ZFHX3: variants seen among roughly 807,000 people sequenced by gnomAD.
The protein encoded by ZFHX3 is zinc finger homeobox 3.
ZFHX3 carries 42 observed loss-of-function variants against 279.1 expected under a neutral mutation model. The observed-to-expected ratio is 0.15, with a 90% CI of 0.12 to 0.19. The LOEUF is 0.19. Ranked by LOEUF, ZFHX3 falls within the 10% of genes least tolerant of loss-of-function variation. The probability of loss-of-function intolerance (pLI) is 1.00; values close to 1 mark genes in which losing one functional copy is unlikely to be tolerated. For missense variants in ZFHX3, 4,981 were observed against 4,754.0 expected (o/e 1.05, Z -1.40); for synonymous variants, 2,293 against 1,957.8 (o/e 1.17, Z -4.52).
chr16:73,051,425 A>G (rs149567818), upstream of ZFHX3, among the ~76,000 whole-genome samples: 3,850 of 152,318 alleles, frequency 0.025, 59 homozygotes, highest in Non-Finnish European at 0.038. Flanking sequence ...GAAGTTCCTC[A>G]GAACAGCTCA....
intron 1 of ZFHX3, among the ~76,000 whole-genome samples, chr16:73,026,834 C>T (rs753016846): frequency 7.2e-5 from 11 of 152,124 alleles, no homozygotes; most frequent in Non-Finnish European, 1.5e-4. Flanking sequence ...ATTCCAGAGA[C>T]CAGTGAAACA....
chr16:73,670,245 T>G (rs540462742), intron 2 of ZFHX3, among the ~76,000 whole-genome samples: 70 of 152,276 alleles, frequency 4.6e-4, no homozygotes, highest in African/African-American at 1.7e-3. Flanking sequence ...GCCCAAGTTT[T>G]TACAGAATTT....
intron 3 of ZFHX3, among the ~76,000 whole-genome samples, chr16:73,377,350 A>G (rs1489061939): frequency 6.6e-6 from 1 of 152,114 alleles, no homozygotes; most frequent in Non-Finnish European, 1.5e-5. Context: ...GTGACCATCA[A>G]GGAGGACTCA....
At chr16:73,798,509 C>A (rs1960059978) in intron 1 of ZFHX3, among the ~76,000 whole-genome samples, 1 of 151,966 alleles carries the variant, frequency 6.6e-6, no homozygotes, top group South Asian at 2.1e-4. Context: ...ATAAAAGGAC[C>A]CAGATACTGA....
chr16:73,146,524 A>G (rs1966864184), intron 5 of ZFHX3, among the ~76,000 whole-genome samples: 1 of 152,178 alleles, frequency 6.6e-6, no homozygotes, highest in African/African-American at 2.4e-5. Flanking sequence ...CAGACAATAA[A>G]CAACTAGAAA....
At chr16:72,900,836 C>A (rs1489096099) in intron 3 of ZFHX3, among the ~76,000 whole-genome samples, 2 of 152,172 alleles carry the variant, frequency 1.3e-5, no homozygotes, top group Admixed American at 1.3e-4. Context: ...GATGCTCTGG[C>A]CAGGACAGCA....
chr16:73,759,880 G>GAAAAAA (rs5817876), intron 1 of ZFHX3, among the ~76,000 whole-genome samples: 1 of 145,916 alleles, frequency 6.9e-6, no homozygotes. Context: ...GGTCTTACAG[G>GAAAAAA]AAAAAAAAAA....
intron 7 of ZFHX3, among the ~76,000 whole-genome samples, chr16:73,129,457 C>T (rs940752338): frequency 6.6e-6 from 1 of 151,054 alleles, no homozygotes; most frequent in African/African-American, 2.4e-5. Context: ...TTTCTCTGAG[C>T]CCATGAGACC....
intron 4 of ZFHX3, among the ~76,000 whole-genome samples, chr16:72,836,275 C>T (rs2037190222): frequency 6.6e-6 from 1 of 152,202 alleles, no homozygotes; most frequent in East Asian, 1.9e-4. Context: ...GCCAGTGACT[C>T]TCCATGAGCC....
At chr16:72,807,398 A>G (rs574253882) in intron 7 of ZFHX3, 13 of 152,306 alleles carry the variant, frequency 8.5e-5, no homozygotes, top group African/African-American at 3.1e-4. Context: ...CAGCACTGCA[A>G]TTGTTCCTAG....
intron 9 of ZFHX3, among the ~76,000 whole-genome samples, chr16:72,791,939 G>T (rs2035721072): frequency 6.6e-6 from 1 of 152,200 alleles, no homozygotes; most frequent in Non-Finnish European, 1.5e-5. Context: ...GTGGGAAGCA[G>T]CACAGCTGCT....
intron 8 of ZFHX3, chr16:73,083,310 T>G (rs1965972013): frequency 6.6e-6 from 1 of 152,268 alleles, no homozygotes; most frequent in Admixed American, 6.5e-5. Flanking sequence ...TAATGAGACC[T>G]CTTGTGATGG....
At chr16:73,237,657 C>A (rs550300022) in intron 5 of ZFHX3, among the ~76,000 whole-genome samples, 8 of 151,288 alleles carry the variant, frequency 5.3e-5, no homozygotes, top group Non-Finnish European at 1.0e-4. Flanking sequence ...CAGGCATGAG[C>A]CACTATGCCC....
chr16:73,632,871 T>C (rs1188535078), intron 2 of ZFHX3, among the ~76,000 whole-genome samples: 3 of 152,078 alleles, frequency 2.0e-5, no homozygotes, highest in Admixed American at 1.3e-4. Context: ...GGTCAGGAGA[T>C]AGAGACCATC....
chr16:73,269,226 T>A (rs546066166), intron 4 of ZFHX3, among the ~76,000 whole-genome samples: 1 of 152,254 alleles, frequency 6.6e-6, no homozygotes, highest in Admixed American at 6.5e-5. Flanking sequence ...GATCTATGAG[T>A]TTTGACAAAT....
At chr16:73,120,747 C>A (rs952530915) in intron 7 of ZFHX3, among the ~76,000 whole-genome samples, 1 of 150,888 alleles carries the variant, frequency 6.6e-6, no homozygotes, top group East Asian at 1.9e-4. Flanking sequence ...CTCCACCTCC[C>A]GGGTTCAAGT....
chr16:73,083,021 T>TAAAAAAAAA (rs71156139), intron 8 of ZFHX3, among the ~76,000 whole-genome samples: 31 of 132,014 alleles, frequency 2.3e-4, no homozygotes, highest in African/African-American at 7.2e-4. Context: ...CCATCTCTAC[T>TAAAAAAAAA]AAAAAAAAAA....
At chr16:73,298,690 G>A (rs751081029) in intron 4 of ZFHX3, among the ~76,000 whole-genome samples, 4 of 152,120 alleles carry the variant, frequency 2.6e-5, no homozygotes, top group Admixed American at 6.5e-5. Flanking sequence ...TCAGCAATGC[G>A]AACTGATGGG....
In ZFHX3 at chr16:73,834,852, G is replaced by A. The variant is rs774030074; in HGVS notation, c.-1608+56799C>T. On this transcript the variant is annotated intron_variant, in intron 1 of 17. Coordinates refer to the ZFHX3 transcript ENST00000641206. ...GTTGCAGTGAGCCTACCAGCACCAC[G>A]GCATTCCAGCCTGGCGACAGTACGA... Among the ~76,000 whole-genome samples, 157 of 152,266 alleles carry A rather than the reference G, an allele frequency of 1.0e-3. 1 individual carries two copies. Among genetic ancestry groups the A allele is most frequent in the Middle Eastern group, 3.4e-3 (1 of 294 alleles).
Sources: allele counts gnomAD v4.1 joint callset (sites outside exome capture counted in the v4.1 genomes callset), GRCh38; gene constraint gnomAD v4.1.1; transcripts MANE v1.5; gene names NCBI Gene and HGNC (gene_info 2026-07-23, HGNC 2026-07-21).